The following EPM2A variants were observed in gnomAD, a reference collection of about 807,000 sequenced individuals.
The protein encoded by EPM2A is EPM2A glucan phosphatase, laforin.
EPM2A carries 21 observed loss-of-function variants against 26.5 expected under a neutral mutation model. The ratio of observed to expected loss-of-function variants is 0.79; its 90% CI spans 0.56 to 1.14. The LOEUF is 1.14. EPM2A is among the 50% of genes most tolerant of loss of function. EPM2A has a pLI of 0.00. For synonymous variants in EPM2A, 217 were observed against 177.6 expected (o/e 1.22, Z -1.76); for missense variants, 458 against 440.8 (o/e 1.04, Z -0.35).
chr6:145,418,650 C>T (rs1234724712), intron 4 of EPM2A, among the ~76,000 whole-genome samples: 1 of 152,176 alleles, frequency 6.6e-6, no homozygotes, highest in Non-Finnish European at 1.5e-5. Flanking sequence ...ACTAATTCTT[C>T]CTCAGTCTTG....
At chr6:145,423,355 C>T (rs756080146) in intron 4 of EPM2A, among the ~76,000 whole-genome samples, 8 of 152,106 alleles carry the variant, frequency 5.3e-5, no homozygotes, top group African/African-American at 1.2e-4. Flanking sequence ...AGTTGTTTTA[C>T]GCAGATTTTG....
At chr6:145,438,921 TTTC>T (rs1347212166) in intron 4 of EPM2A, among the ~76,000 whole-genome samples, 3 of 150,916 alleles carry the variant, frequency 2.0e-5, no homozygotes. Flanking sequence ...CAATAGTTTT[TTTC>T]TTCTTTTCTT....
intron 4 of EPM2A, among the ~76,000 whole-genome samples, chr6:145,390,653 T>C (rs1314536811): frequency 1.3e-5 from 2 of 152,118 alleles, no homozygotes; most frequent in Non-Finnish European, 2.9e-5. Flanking sequence ...TGCTCTCTTA[T>C]TCTCTGGCTT....
chr6:145,610,323 C>G (rs9403734), intron 2 of EPM2A, among the ~76,000 whole-genome samples: 55,063 of 152,026 alleles, frequency 0.36, 10,434 homozygotes, highest in South Asian at 0.51. Context: ...TTTTCCAACT[C>G]TGTTTAGAAA....
chr6:145,477,036 G>A (rs1397865137), intron 4 of EPM2A, among the ~76,000 whole-genome samples: 1 of 151,428 alleles, frequency 6.6e-6, no homozygotes, highest in Non-Finnish European at 1.5e-5. Context: ...AAAGAAAATG[G>A]ACAAACTTTC....
intron 2 of EPM2A, chr6:145,638,810 G>C (rs1776879049): frequency 3.3e-5 from 5 of 152,166 alleles, no homozygotes; most frequent in Admixed American, 3.3e-4. Context: ...TGCCCTTCAT[G>C]TGCATCCTAT....
intron 3 of EPM2A, chr6:145,628,954 G>A (rs554613911): frequency 6.6e-6 from 1 of 152,424 alleles, no homozygotes; most frequent in African/African-American, 2.4e-5. Flanking sequence ...AAGGACCACA[G>A]TGTGGCTTGA....
At chr6:145,552,150 C>G (rs756899348) in intron 2 of EPM2A, among the ~76,000 whole-genome samples, 15 of 151,638 alleles carry the variant, frequency 9.9e-5, no homozygotes, top group Non-Finnish European at 2.2e-4. Context: ...ATTAGATATT[C>G]AGAAAAAGAT....
downstream of EPM2A, among the ~76,000 whole-genome samples, chr6:145,499,215 A>AC (rs1779858119): frequency 6.6e-6 from 1 of 152,180 alleles, no homozygotes; most frequent in African/African-American, 2.4e-5. Context: ...GCTTTTCACA[A>AC]CCTGACATCT....
intron 2 of EPM2A, among the ~76,000 whole-genome samples, chr6:145,550,080 T>A (rs925728814): frequency 3.9e-5 from 6 of 152,114 alleles, no homozygotes; most frequent in African/African-American, 1.4e-4. Context: ...TCAAGAAACG[T>A]CACCCAGAAA....
intron 4 of EPM2A, among the ~76,000 whole-genome samples, chr6:145,453,371 CTGT>C (rs1400290439): frequency 3.3e-5 from 5 of 152,206 alleles, no homozygotes; most frequent in East Asian, 1.9e-4. Context: ...TCCCCATTCC[CTGT>C]TGTTTTGAAA....
At position 145,665,481 on chromosome 6, in the gene EPM2A, G is replaced by A. The variant is rs561965177; in HGVS notation, c.476+20641C>T. Among the ~76,000 whole-genome samples the A allele has an allele frequency of 3.3e-4, 39 of 117,214 alleles. 3 individuals are homozygous for A. The South Asian group carries it at 0.01, about 30-fold the overall frequency. The allele number at this position is 117,214 out of a possible 152,430, so 76.9% of individuals were successfully genotyped here. The stretch of plus-strand genomic sequence containing the variant: ...TAAACCAGGAAGAAGTCGAATCTCT[G>A]AATAGACCAATAACAGGAGCTGAAA... On this transcript the variant is annotated intron_variant, in intron 2 of 3. Transcript: ENST00000367519.
chr6:145,573,337 A>C (rs1782286526), intron 2 of EPM2A, among the ~76,000 whole-genome samples: 1 of 152,244 alleles, frequency 6.6e-6, no homozygotes, highest in Admixed American at 6.5e-5. Flanking sequence ...TATGGACAGG[A>C]ATAGAGAAAA....
intron 2 of EPM2A, 140 bp downstream of exon 2, chr6:145,685,982 A>T: frequency 1.4e-6 from 1 of 732,758 alleles, no homozygotes; most frequent in Non-Finnish European, 2.4e-6. Flanking sequence ...GATTCACTGT[A>T]ATTTTCTCCT....
chr6:145,439,440 T>C (rs1779033218), intron 4 of EPM2A, among the ~76,000 whole-genome samples: 1 of 152,160 alleles, frequency 6.6e-6, no homozygotes, highest in Non-Finnish European at 1.5e-5. Context: ...AATGTGTAAA[T>C]GTTTCCTTTT....
At chr6:145,501,389 G>A (rs1236862433), downstream of EPM2A, among the ~76,000 whole-genome samples, 1 of 152,112 alleles carries the variant, frequency 6.6e-6, no homozygotes, top group African/African-American at 2.4e-5. Context: ...GCCTTGAATG[G>A]TCATATGTTT....
intron 4 of EPM2A, among the ~76,000 whole-genome samples, chr6:145,479,927 T>G (rs531607767): frequency 3.3e-5 from 5 of 152,226 alleles, no homozygotes; most frequent in African/African-American, 1.2e-4. Flanking sequence ...TTTTATTTTC[T>G]TTTTTAAAGA....
chr6:145,413,050 T>C (rs569268928), intron 4 of EPM2A, among the ~76,000 whole-genome samples: 6 of 152,342 alleles, frequency 3.9e-5, no homozygotes, highest in African/African-American at 1.4e-4. Flanking sequence ...GACATCAATT[T>C]TCTCTTTTAC....
At chr6:145,705,009 T>C (rs1212425463) in intron 1 of EPM2A, among the ~76,000 whole-genome samples, 1 of 152,254 alleles carries the variant, frequency 6.6e-6, no homozygotes, top group African/African-American at 2.4e-5. Flanking sequence ...AGATGGAGTG[T>C]ATTCCAGTTT....
Sources: allele counts gnomAD v4.1 joint callset (sites outside exome capture counted in the v4.1 genomes callset), GRCh38; gene constraint gnomAD v4.1.1; transcripts MANE v1.5; gene names NCBI Gene and HGNC (gene_info 2026-07-23, HGNC 2026-07-21).